Variants in SLC5A2 observed in about 807,000 individuals in gnomAD.
SLC5A2 encodes the protein solute carrier family 5 member 2, also known as sodium/glucose cotransporter 2.
SLC5A2 carries 67 observed loss-of-function variants against 69.0 expected under a neutral mutation model. That is an observed-to-expected ratio of 0.97 (90% CI 0.80 to 1.19). SLC5A2 has a LOEUF of 1.19. SLC5A2 is among the 50% of genes most tolerant of loss of function. The pLI, the probability that SLC5A2 is intolerant of heterozygous loss-of-function variation, is 0.00. For missense variants in SLC5A2, 1,001 were observed against 921.5 expected, an observed-to-expected ratio of 1.09 and a Z score of -1.12; for synonymous variants, 455 against 395.8, an observed-to-expected ratio of 1.15 and a Z score of -1.78.
Position 31,488,458 on chromosome 16 carries a change from A to T in SLC5A2, c.1097A>T (p.Tyr366Phe), listed in dbSNP as rs775072113. The T allele has an allele frequency of 1.2e-6, 2 of 1,610,086 alleles. No homozygotes were observed. The highest frequency in any genetic ancestry group is 2.2e-5 in the South Asian group (2 of 90,600). The change falls in exon 9 of 14, where the codon TAC (tyrosine) becomes TTC (phenylalanine). Residue 366 changes from tyrosine to phenylalanine, a missense_variant. By Grantham distance (22) the Tyr-to-Phe change is conservative. Transcript: ENST00000330498. ...GAGGTGGGCTGCTCCAACATCGCCT[A>T]CCCGCGGCTCGTCGTGAAGCTCATG... ...GTEVGCSNIA[Y>F]PRLVVKLMPN...
chr16:31,488,092 T>C lies in SLC5A2; in HGVS notation c.940T>C (p.Cys314Arg), dbSNP rs764896982. ...GAGCCTGACCCACATCAAGGCGGGC[T>C]GCATCCTGTGTGGGTACCTGAAGCT... ...GKSLTHIKAG[C>R]ILCGYLKLTP... Residue 314 changes from cysteine (C) to arginine (R), a missense_variant, in exon 8 of 14, where the codon TGC (cysteine) becomes CGC (arginine). Cys to Arg is a radical substitution (Grantham distance 180). Transcript: ENST00000330498. 4.3e-6 allele frequency: 7 copies of C among 1,614,060 alleles called. No individual in the cohort carries two copies. The highest frequency in any genetic ancestry group is 5.1e-6 in the Non-Finnish European group (6 of 1,179,980).
chr16:31,486,007 G>A lies in SLC5A2; in HGVS notation c.468+114G>A, dbSNP rs2082492618. 13 of 1,293,548 alleles carry A rather than the reference G, an allele frequency of 1.0e-5. No homozygotes were observed. The South Asian group carries it at 1.4e-4, about 14-fold the overall frequency. 80.1% of individuals were successfully genotyped at this position (1,293,548 alleles called of 1,614,324 possible). A position where few individuals can be genotyped will look rare whatever the true frequency, so the allele number is the denominator to read the frequency against. Reference sequence around the variant, plus strand: ...GAGAAACCACTGCGAGGGTTATGATGATGGAGGCAGAGCCTGCAATGAATG... The same window carrying A: ...GAGAAACCACTGCGAGGGTTATGATAATGGAGGCAGAGCCTGCAATGAATG... On this transcript the variant is annotated intron_variant, in intron 4 of 13. Transcript: ENST00000330498.
chr16:31,485,894 G>T lies in SLC5A2; in HGVS notation c.468+1G>T. The T allele has an allele frequency of 6.2e-7, 1 of 1,613,530 alleles. No individual in the cohort carries two copies. The highest frequency in any genetic ancestry group is 8.5e-7 in the Non-Finnish European group (1 of 1,180,038). ...CCTGTACATCTTCACCAAGATCTCA[G>T]TGAGTGCCTGTGGCAGATGCGATTG... On this transcript the variant is annotated splice_donor_variant, in intron 4 of 13. Transcript: ENST00000330498. LOFTEE classifies it high-confidence loss of function.
intron 7 of SLC5A2, 27 bp downstream of exon 7, chr16:31,487,786 T>A (rs377676177): frequency 6.3e-7 from 1 of 1,584,240 alleles, no homozygotes; most frequent in Non-Finnish European, 8.6e-7. Context: ...GCGCCTGCAG[T>A]GAGGCCGGGG....
intron 1 of SLC5A2, 145 bp from the exon 2 acceptor site, chr16:31,484,528 G>A (rs930686302): frequency 1.6e-5 from 13 of 834,306 alleles, no homozygotes; most frequent in Non-Finnish European, 2.4e-5. Flanking sequence ...GTGTCTGGGA[G>A]GAGTTGGGGG....
At position 31,485,774 on chromosome 16, in the gene SLC5A2, T is replaced by C; in HGVS notation, c.349T>C (p.Tyr117His). The C allele has an allele frequency of 6.2e-7, 1 of 1,613,810 alleles. No homozygotes were observed. The highest frequency in any genetic ancestry group is 8.5e-7 in the Non-Finnish European group (1 of 1,180,030). ...ACTGGGCTGGCTGTTTGCACCCGTG[T>C]ACCTGACAGCGGGGGTCATCACGAT... ...LLLGWLFAPV[Y>H]LTAGVITMPQ... The change falls in exon 4 of 14, where the codon TAC (tyrosine) becomes CAC (histidine). Residue 117 changes from tyrosine to histidine, a missense_variant. Coordinates refer to ENST00000330498, the MANE Select transcript of SLC5A2 (RefSeq NM_003041.4).
chr16:31,489,469 T>C, intron 12 of SLC5A2, 131 bp downstream of exon 12: 1 of 798,954 alleles, frequency 1.3e-6, no homozygotes, highest in Non-Finnish European at 2.1e-6. Flanking sequence ...CCAGCTGCAG[T>C]TGCAATTGCC....
rs1257762473 is a variant in SLC5A2, at chr16:31,487,397, T to C, written c.652T>C (p.Tyr218His). 6.2e-7 allele frequency: 1 copy of C among 1,613,682 alleles called. No homozygotes were observed. Among genetic ancestry groups the C allele is most frequent in the Non-Finnish European group, 8.5e-7 (1 of 1,179,972 alleles). The part of the protein sequence containing the change: ...ILGGACILMG[Y>H]AFHEVGGYSG... ...GGGGGGCGCCTGCATCCTCATGGGTTACGGTAGGGGCTCGCCTACCAGGGA... is the reference window on the plus strand; with the variant it reads ...GGGGGGCGCCTGCATCCTCATGGGTCACGGTAGGGGCTCGCCTACCAGGGA... Residue 218 changes from tyrosine (Y) to histidine (H), a missense_variant, in exon 6 of 14, where the codon TAC (tyrosine) becomes CAC (histidine). By Grantham distance (83) the Tyr-to-His change is moderately conservative. Coordinates refer to ENST00000330498, the MANE Select transcript of SLC5A2 (RefSeq NM_003041.4).
intron 1 of SLC5A2, 127 bp downstream of exon 1, chr16:31,483,389 A>T: frequency 7.8e-7 from 1 of 1,275,966 alleles, no homozygotes; most frequent in Non-Finnish European, 1.1e-6. Flanking sequence ...GCCTGGGGGC[A>T]AGCAGGTCTT....
chr16:31,488,157 C>T lies in SLC5A2; in HGVS notation c.1005C>T (p.Ser335=), dbSNP rs2142627340. Residue 335 remains serine (S), a synonymous_variant, in exon 8 of 14, where the codon AGC becomes AGT. Transcript: ENST00000330498. ...TCATGGTCATGCCAGGCATGATCAG[C>T]CGCATTCTGTACCCAGGTAACATCC... ...MFLMVMPGMI[S]RILYPDEVAC... is the part of the protein sequence containing the mutation. 10 of 1,614,044 alleles carry T rather than the reference C, an allele frequency of 6.2e-6. No individual in the cohort carries two copies. The highest frequency in any genetic ancestry group is 6.8e-6 in the Non-Finnish European group (8 of 1,179,962).
chr16:31,485,842 C>T lies in SLC5A2; in HGVS notation c.417C>T (p.Arg139=), dbSNP rs2082490928. ...AGCGCTTCGGCGGCCGCCGCATCCG[C>T]CTCTACCTGTCTGTGCTCTCCCTTT... ...LRKRFGGRRI[R]LYLSVLSLFL... Residue 139 remains arginine (R), a synonymous_variant, in exon 4 of 14, where the codon CGC becomes CGT. Transcript: ENST00000330498. 6.2e-7 allele frequency: 1 copy of T among 1,613,476 alleles called. No individual in the cohort carries two copies. Among genetic ancestry groups the T allele is most frequent in the African/African-American group, 1.3e-5 (1 of 74,960 alleles).
intron 12 of SLC5A2, chr16:31,489,556 A>C (rs2082541134): frequency 1.7e-6 from 1 of 604,780 alleles, no homozygotes; most frequent in African/African-American, 1.8e-5. Flanking sequence ...TGGTGATTAA[A>C]GCCTCCCAAA....
At chr16:31,490,263 G>A (rs1190098984) in intron 13 of SLC5A2, 33 bp downstream of exon 13, 3 of 1,613,996 alleles carry the variant, frequency 1.9e-6, no homozygotes, top group Non-Finnish European at 1.7e-6. Context: ...GGGGCTGGAG[G>A]AGCTGAGTTC....
intron 10 of SLC5A2, 21 bp downstream of exon 10, chr16:31,488,793 C>T (rs1274028009): frequency 1.2e-6 from 2 of 1,600,428 alleles, no homozygotes; most frequent in South Asian, 1.1e-5. Context: ...GGCTCCCCTC[C>T]TCCCCAACGG....
chr16:31,484,584 C>A, intron 1 of SLC5A2, 89 bp from the exon 2 acceptor site: 1 of 1,415,912 alleles, frequency 7.1e-7, no homozygotes, highest in South Asian at 1.1e-5. Flanking sequence ...AATCTTCAGC[C>A]AGAAACAAGG....
rs2082554158 is a variant in SLC5A2, at chr16:31,490,410, G to A, written c.1894G>A (p.Glu632Lys). ...VGSPPPLTQE[E>K]AAAAARRLED... The stretch of plus-strand genomic sequence containing the variant: ...CAGTCCTCCGCCCCTTACCCAGGAG[G>A]AGGCAGCGGCAGCAGCCAGGCGGCT... Residue 632 changes from glutamate (E) to lysine (K), a missense_variant, in exon 14 of 14, where the codon GAG becomes AAG. By Grantham distance (56) the Glu-to-Lys change is moderately conservative (BLOSUM62 1). Coordinates refer to ENST00000330498, the MANE Select transcript of SLC5A2 (RefSeq NM_003041.4). The A allele has an allele frequency of 6.2e-7, 1 of 1,613,788 alleles. No individual in the cohort carries two copies. The highest frequency in any genetic ancestry group is 8.5e-7 in the Non-Finnish European group (1 of 1,179,932).
Position 31,486,183 on chromosome 16 carries a change from C to T in SLC5A2, c.482C>T (p.Ser161Phe). ...TTCTCCCCCAAGGTGGACATGTTCTCCGGAGCTGTATTCATCCAGCAGGCT... is the reference window on the plus strand; with the variant it reads ...TTCTCCCCCAAGGTGGACATGTTCTTCGGAGCTGTATTCATCCAGCAGGCT... ...IFTKISVDMF[S>F]GAVFIQQALG... is the part of the protein sequence containing the mutation. The change falls in exon 5 of 14, where the codon TCC (serine) becomes TTC (phenylalanine). Residue 161 changes from serine (S) to phenylalanine (F), a missense_variant. By Grantham distance (155) the Ser-to-Phe change is radical (BLOSUM62 -2). Transcript: ENST00000330498. The T allele has an allele frequency of 6.2e-7, 1 of 1,613,656 alleles. No individual in the cohort carries two copies. The highest frequency in any genetic ancestry group is 2.2e-5 in the East Asian group (1 of 44,864).
intron 8 of SLC5A2, 88 bp from the exon 9 acceptor site, chr16:31,488,295 G>T: frequency 6.3e-7 from 1 of 1,597,390 alleles, no homozygotes. Flanking sequence ...GGGGTCGCAC[G>T]CCTCCTCTGC....
At chr16:31,485,611 TG>T in intron 3 of SLC5A2, 117 bp from the exon 4 acceptor site, 1 of 1,278,488 alleles carries the variant, frequency 7.8e-7, no homozygotes, top group Non-Finnish European at 1.1e-6. Context: ...AGTTGTCCTC[TG>T]GGCCCCAGAT....
Sources: allele counts gnomAD v4.1 joint callset, GRCh38; gene constraint gnomAD v4.1.1; transcripts MANE v1.5; gene names NCBI Gene and HGNC (gene_info 2026-07-23, HGNC 2026-07-21).